The following TNS1 variants were observed in gnomAD, a reference collection of about 807,000 sequenced individuals.
TNS1 encodes tensin-1.
A neutral mutation model predicts 168.6 loss-of-function variants in TNS1; 62 were observed. The ratio of observed to expected loss-of-function variants is 0.37; its 90% CI spans 0.30 to 0.45. The LOEUF is 0.45. TNS1 is among the 20% of genes least tolerant of loss of function. The pLI is 1.00. For missense variants in TNS1, 2,240 were observed against 2,339.4 expected, an observed-to-expected ratio of 0.96 and a Z score of 0.88; for synonymous variants, 934 against 933.2, an observed-to-expected ratio of 1.00 and a Z score of -0.02.
chr2:217,936,858 C>T (rs1956634885), intron 3 of TNS1: 7 of 444,148 alleles, frequency 1.6e-5, no homozygotes, highest in South Asian at 1.1e-4. Flanking sequence ...TCATTTCATA[C>T]CCACGCTAGC....
intron 18 of TNS1, among the ~76,000 whole-genome samples, chr2:217,851,763 G>A (rs960934543): frequency 5.9e-5 from 9 of 152,156 alleles, no homozygotes; most frequent in Non-Finnish European, 1.0e-4. Context: ...TATTATCATC[G>A]TAAAGGGGTC....
intron 3 of TNS1, among the ~76,000 whole-genome samples, chr2:217,977,816 CCTT>C (rs1345696306): frequency 2.6e-5 from 4 of 152,216 alleles, no homozygotes; most frequent in Non-Finnish European, 5.9e-5. Flanking sequence ...AGCATCTTCT[CCTT>C]CTACTCCCTG....
Position 217,836,064 on chromosome 2 carries a change from G to A in TNS1, c.3155C>T (p.Pro1052Leu), listed in dbSNP as rs752044847. 1.7e-5 allele frequency: 28 copies of A among 1,613,910 alleles called. 1 individual carries two copies. In the East Asian group the frequency reaches 2.2e-4, roughly 13 times the overall value. Residue 1052 changes from proline to leucine, a missense_variant, in exon 20 of 33, where the codon CCG becomes CTG. Pro to Leu is a moderately conservative substitution (Grantham distance 98). Coordinates refer to ENST00000682258, the MANE Select transcript of TNS1 (RefSeq NM_001387777.1). Reference protein sequence around the residue: ...GVRSPVQCVSPELALTIALNP... With the variant: ...GVRSPVQCVSLELALTIALNP... ...GAGAGCGATGGTAAGAGCCAGCTCC[G>A]GGGAGACACACTGGACAGGGGAGCG...
chr2:218,023,476 C>A (rs1439420752), intron 1 of TNS1, among the ~76,000 whole-genome samples: 1 of 152,144 alleles, frequency 6.6e-6, no homozygotes. Flanking sequence ...AGTCAGAGAC[C>A]CCCAAGCCCA....
At chr2:217,853,073 C>A (rs1037288132) in intron 18 of TNS1, among the ~76,000 whole-genome samples, 1 of 152,138 alleles carries the variant, frequency 6.6e-6, no homozygotes, top group African/African-American at 2.4e-5. Context: ...CCCCAGCCCC[C>A]ACTCCGGCAC....
At chr2:218,021,759 G>T (rs1317331489) in intron 1 of TNS1, among the ~76,000 whole-genome samples, 1 of 152,192 alleles carries the variant, frequency 6.6e-6, no homozygotes, top group Non-Finnish European at 1.5e-5. Flanking sequence ...GTCCCCCAAG[G>T]AGACCAGGAG....
At chr2:217,829,854 C>G in intron 22 of TNS1, 1 of 1,614,166 alleles carries the variant, frequency 6.2e-7, no homozygotes, top group South Asian at 1.1e-5. Flanking sequence ...CTTCTGACAG[C>G]CTGACCACCA....
At chr2:217,847,163 G>C (rs1035467052) in intron 19 of TNS1, among the ~76,000 whole-genome samples, 2 of 152,220 alleles carry the variant, frequency 1.3e-5, no homozygotes, top group African/African-American at 4.8e-5. Context: ...ACTGCCCTAG[G>C]TGGTAAGCTT....
At chr2:217,879,875 C>T (rs965501091) in intron 18 of TNS1, among the ~76,000 whole-genome samples, 6 of 152,188 alleles carry the variant, frequency 3.9e-5, no homozygotes, top group Non-Finnish European at 7.4e-5. Flanking sequence ...TGGCACAGCC[C>T]CACCCAGGAC....
At chr2:217,976,594 C>T (rs766133308) in intron 3 of TNS1, among the ~76,000 whole-genome samples, 18 of 152,200 alleles carry the variant, frequency 1.2e-4, no homozygotes, top group Non-Finnish European at 2.1e-4. Context: ...AGCAGCACTG[C>T]GGCAGCCTGG....
At chr2:217,924,708 G>A (rs1040809106) in intron 3 of TNS1, among the ~76,000 whole-genome samples, 6 of 152,162 alleles carry the variant, frequency 3.9e-5, no homozygotes, top group African/African-American at 1.4e-4. Context: ...CAGCAATATT[G>A]CTCCCATTTC....
At chr2:217,883,382 A>G (rs1950863716) in intron 16 of TNS1, among the ~76,000 whole-genome samples, 1 of 152,102 alleles carries the variant, frequency 6.6e-6, no homozygotes. Flanking sequence ...CTCCTGCCTC[A>G]GCCCCTGGAA....
Position 217,948,790 on chromosome 2 carries a change from C to T in TNS1, c.187-28554G>A, listed in dbSNP as rs996276409. 6.6e-6 allele frequency among the ~76,000 whole-genome samples: 1 copy of T among 152,218 alleles called. No homozygotes were observed. The highest frequency in any genetic ancestry group is 1.5e-5 in the Non-Finnish European group (1 of 68,030). On this transcript the variant is annotated intron_variant, in intron 3 of 32. Transcript: ENST00000682258. The surrounding 1 kb of genome is among the most constrained non-coding windows in gnomAD (Gnocchi z 4.1). ...GAGTAGGGGCACCCCCTGCTCACCA[C>T]TGTGTCCTCTATGACATCTCATTGG...
At chr2:217,900,311 A>T (rs924983155) in intron 7 of TNS1, among the ~76,000 whole-genome samples, 152 bp downstream of exon 7, 1 of 152,214 alleles carries the variant, frequency 6.6e-6, no homozygotes, top group African/African-American at 2.4e-5. Flanking sequence ...ATCCGCACGC[A>T]TCCTCTCCTG....
At chr2:217,834,543 C>A (rs998435656) in intron 21 of TNS1, among the ~76,000 whole-genome samples, 2 of 152,204 alleles carry the variant, frequency 1.3e-5, no homozygotes, top group Admixed American at 6.5e-5. Flanking sequence ...CTTTGGGGAT[C>A]TGCCTCCCCA....
chr2:217,870,978 G>C (rs1024636345), intron 18 of TNS1, among the ~76,000 whole-genome samples: 2 of 152,224 alleles, frequency 1.3e-5, no homozygotes, highest in Admixed American at 6.5e-5. Flanking sequence ...TGAGTCAGGA[G>C]AGGACTCCCC....
At chr2:217,993,221 C>T (rs1336833340) in intron 1 of TNS1, among the ~76,000 whole-genome samples, 1 of 152,180 alleles carries the variant, frequency 6.6e-6, no homozygotes, top group East Asian at 1.9e-4. Flanking sequence ...ACACATTTCT[C>T]AGAAGGTATC....
chr2:217,813,205 G>C lies in TNS1; in HGVS notation c.4954+10C>G. The C allele has an allele frequency of 6.3e-7, 1 of 1,594,786 alleles. No homozygotes were observed. Among genetic ancestry groups the C allele is most frequent in the Non-Finnish European group, 8.6e-7 (1 of 1,168,328 alleles). ...CAGACTGTAGAGATGGGGGCAGGGGGACAGCTCACCGAAGTTTGGCTCATT... is the reference window on the plus strand; with the variant it reads ...CAGACTGTAGAGATGGGGGCAGGGGCACAGCTCACCGAAGTTTGGCTCATT... On this transcript the variant is annotated intron_variant, in intron 27 of 32. Coordinates refer to ENST00000682258, the MANE Select transcript of TNS1 (RefSeq NM_001387777.1). This position sits in a 1 kb window ranked among gnomAD's most constrained non-coding sequence, Gnocchi z 4.0.
At chr2:217,933,900 C>A (rs1956460893) in intron 3 of TNS1, among the ~76,000 whole-genome samples, 1 of 152,138 alleles carries the variant, frequency 6.6e-6, no homozygotes, top group Admixed American at 6.5e-5. Flanking sequence ...GGTGGAAGCA[C>A]AGGTAGCTGG....
Sources: gnomAD v4.1 joint callset for allele counts (sites outside exome capture counted in the v4.1 genomes callset) on GRCh38, gnomAD v4.1.1 for gene constraint, Gnocchi (gnomAD v3.1) non-coding constraint, MANE v1.5 for transcripts, NCBI Gene and HGNC (gene_info 2026-07-23, HGNC 2026-07-21) for gene names.